ACADL: variants seen among roughly 807,000 people sequenced by gnomAD.
ACADL encodes the protein long-chain specific acyl-CoA dehydrogenase, mitochondrial.
In ACADL, 60 loss-of-function variants were observed where a neutral mutation model predicts 56.9. That is an observed-to-expected ratio of 1.05 (90% CI 0.86 to 1.31). The LOEUF (loss-of-function observed/expected upper bound fraction) is 1.31. ACADL is among the 50% of genes most tolerant of loss of function. ACADL has a pLI of 0.00. For synonymous variants in ACADL, 158 were observed against 179.7 expected, an observed-to-expected ratio of 0.88 and a Z score of 0.97; for missense variants, 484 against 525.5, an observed-to-expected ratio of 0.92 and a Z score of 0.77.
chr2:210,197,932 A>G (rs944756411), intron 8 of ACADL, among the ~76,000 whole-genome samples: 3 of 152,190 alleles, frequency 2.0e-5, no homozygotes, highest in African/African-American at 7.2e-5. Context: ...AAATATTTAC[A>G]TATTCTTGCC....
intron 10 of ACADL, among the ~76,000 whole-genome samples, chr2:210,190,389 G>GATAT (rs777865916): frequency 3.3e-5 from 5 of 150,170 alleles, no homozygotes; most frequent in African/African-American, 9.8e-5. Context: ...AATGCGTTTA[G>GATAT]ATATATATAT....
chr2:210,205,959 A>G (rs1211197277), intron 5 of ACADL, among the ~76,000 whole-genome samples, 163 bp from the exon 6 acceptor site: 1 of 152,218 alleles, frequency 6.6e-6, no homozygotes. Context: ...TTATTCACAC[A>G]TGATGTTATC....
chr2:210,225,439 AG>A lies in ACADL; in HGVS notation c.-177del. The A allele has an allele frequency of 1.6e-6, 1 of 634,684 alleles. No homozygotes were observed. The highest frequency in any genetic ancestry group is 1.9e-5 in the African/African-American group (1 of 52,158). 39.3% of individuals were successfully genotyped at this position (634,684 alleles called of 1,614,324 possible). A position where few individuals can be genotyped will look rare whatever the true frequency, so the allele number is the denominator to read the frequency against. On this transcript the variant is annotated 5_prime_UTR_variant, in exon 1 of 11. Coordinates refer to ENST00000233710, the MANE Select transcript of ACADL (RefSeq NM_001608.4). ...CCAACCACGCCACAGGCTGGTCGCG[AG>A]GGAATACGCCCGTCTTGGCTGTCAG...
chr2:210,215,559 G>A (rs184685931), intron 4 of ACADL, among the ~76,000 whole-genome samples: 57 of 151,848 alleles, frequency 3.8e-4, no homozygotes, highest in African/African-American at 1.3e-3. Context: ...TCCCTTTTTT[G>A]TGTTTCATTT....
chr2:210,190,238 G>A (rs1424702517), intron 10 of ACADL, among the ~76,000 whole-genome samples: 2 of 152,082 alleles, frequency 1.3e-5, no homozygotes, highest in African/African-American at 4.8e-5. Flanking sequence ...TACAATCTCA[G>A]AACTTTCTGC....
chr2:210,219,027 T>C (rs553418724), intron 2 of ACADL, among the ~76,000 whole-genome samples: 1 of 152,232 alleles, frequency 6.6e-6, no homozygotes, highest in South Asian at 2.1e-4. Context: ...ATCTGAGAAT[T>C]TTTGTATTTT....
intron 2 of ACADL, among the ~76,000 whole-genome samples, chr2:210,220,063 TATA>T (rs1689148807): frequency 1.3e-5 from 2 of 152,288 alleles, no homozygotes; most frequent in Admixed American, 1.3e-4. Context: ...TTTTTGTTTT[TATA>T]ATAACATAGT....
At chr2:210,205,903 G>A in intron 5 of ACADL, 107 bp from the exon 6 acceptor site, 1 of 1,277,308 alleles carries the variant, frequency 7.8e-7, no homozygotes, top group Non-Finnish European at 1.1e-6. Flanking sequence ...GACAAGACAT[G>A]CTTGATACCT....
intron 3 of ACADL, 71 bp from the exon 4 acceptor site, chr2:210,216,582 T>C: frequency 7.2e-7 from 1 of 1,397,320 alleles, no homozygotes; most frequent in Non-Finnish European, 9.9e-7. Context: ...AACAACAATG[T>C]ATTAAGGTCC....
intron 9 of ACADL, among the ~76,000 whole-genome samples, chr2:210,194,314 T>C (rs2125709027): frequency 6.6e-6 from 1 of 152,320 alleles, no homozygotes; most frequent in East Asian, 1.9e-4. Flanking sequence ...GATCATTATA[T>C]AAAGCACAAA....
In ACADL at chr2:210,217,886, T is replaced by A. The variant is rs1016973231; in HGVS notation, c.371+79A>T. ...AGATTAGAAAACATTTGTTTGTTTG[T>A]TTGTTTGTTTGGTCATTTCAGAAAG... On this transcript the variant is annotated intron_variant, in intron 3 of 10. Transcript: ENST00000233710. The A allele has an allele frequency of 2.6e-6, 4 of 1,528,944 alleles. No individual in the cohort carries two copies. The African/African-American group carries it at 5.5e-5, about 21-fold the overall frequency. The allele number at this position is 1,528,944 out of a possible 1,614,324, so 94.7% of individuals were successfully genotyped here.
chr2:210,225,129 G>C (rs1281207808), intron 1 of ACADL, 58 bp downstream of exon 1: 1 of 1,526,780 alleles, frequency 6.5e-7, no homozygotes, highest in South Asian at 1.2e-5. Flanking sequence ...GGAGTGACTC[G>C]CTGCCCCACC....
At chr2:210,198,074 A>T (rs1688737587) in intron 8 of ACADL, among the ~76,000 whole-genome samples, 1 of 152,224 alleles carries the variant, frequency 6.6e-6, no homozygotes, top group Non-Finnish European at 1.5e-5. Context: ...AAGTGCTCTT[A>T]GTGAATGATC....
chr2:210,196,266 T>G (rs902293896), intron 8 of ACADL, among the ~76,000 whole-genome samples: 47 of 145,580 alleles, frequency 3.2e-4, no homozygotes, highest in African/African-American at 1.1e-3. Flanking sequence ...TAAACCTCTT[T>G]TTTTTTTTTT....
At chr2:210,215,321 TG>T (rs1210183610) in intron 4 of ACADL, among the ~76,000 whole-genome samples, 1 of 152,046 alleles carries the variant, frequency 6.6e-6, no homozygotes, top group African/African-American at 2.4e-5. Flanking sequence ...TCCACCCCAC[TG>T]AAATCACAAA....
intron 5 of ACADL, among the ~76,000 whole-genome samples, chr2:210,208,910 C>T (rs1295927415): frequency 6.6e-6 from 1 of 152,164 alleles, no homozygotes; most frequent in Non-Finnish European, 1.5e-5. Context: ...GTCAGTGGTA[C>T]TTTTCCTGTG....
rs758373054 is a variant in ACADL at position 210,188,963 on chromosome 2, A to C, written c.1291T>G (p.Ter431GluextTer12). The change falls in exon 11 of 11, where the codon TAG (stop) becomes GAG (glutamate). Residue 431 changes from the stop codon to glutamate, a stop_lost. Coordinates refer to ENST00000233710, the MANE Select transcript of ACADL (RefSeq NM_001608.4). ...GACTCCAGGATGTGGGCAGATGTCT[A>C]CTTGTCAAAGACAATCTCTCTTGCA... Reference protein sequence around the residue: ...LIAREIVFDK* With the variant: ...LIAREIVFDKE 6.2e-7 allele frequency: 1 copy of C among 1,609,136 alleles called. No homozygotes were observed.
At position 210,188,953 on chromosome 2, in the gene ACADL, G is replaced by T; in HGVS notation, c.*8C>A. 2 of 1,597,228 alleles carry T rather than the reference G, an allele frequency of 1.3e-6. No homozygotes were observed. Among genetic ancestry groups the T allele is most frequent in the Non-Finnish European group, 1.7e-6 (2 of 1,164,762 alleles). ...GCTGTAATAGGACTCCAGGATGTGG[G>T]CAGATGTCTACTTGTCAAAGACAAT... On this transcript the variant is annotated 3_prime_UTR_variant, in exon 11 of 11. Coordinates refer to ENST00000233710, the MANE Select transcript of ACADL (RefSeq NM_001608.4).
In ACADL at chr2:210,203,420, C is replaced by T; in HGVS notation, c.895G>A (p.Ala299Thr). The T allele has an allele frequency of 1.2e-6, 2 of 1,613,020 alleles. No homozygotes were observed. Among genetic ancestry groups the T allele is most frequent in the Non-Finnish European group, 1.7e-6 (2 of 1,179,442 alleles). The change falls in exon 8 of 11, where the codon GCA becomes ACA. Residue 299 changes from alanine (A) to threonine (T), a missense_variant. Coordinates refer to ENST00000233710, the MANE Select transcript of ACADL (RefSeq NM_001608.4). Reference sequence around the variant, plus strand: ...AACATGAATTCACTAGCTGAAATTGCCACATCAGCAATTAACAGCCTTTCC... The same window carrying T: ...AACATGAATTCACTAGCTGAAATTGTCACATCAGCAATTAACAGCCTTTCC... ...PQERLLIADV[A>T]ISASEFMFEE... is the part of the protein sequence containing the mutation.
Sources: allele counts gnomAD v4.1 joint callset (sites outside exome capture counted in the v4.1 genomes callset), GRCh38; gene constraint gnomAD v4.1.1; transcripts MANE v1.5; gene names NCBI Gene and HGNC (gene_info 2026-07-23, HGNC 2026-07-21).